Variants in SLC12A9 observed in about 807,000 individuals in gnomAD.
The protein encoded by SLC12A9 is CCC-interacting protein 1.
A neutral mutation model predicts 66.0 loss-of-function variants in SLC12A9; 55 were observed. The observed-to-expected ratio is 0.83, with a 90% CI of 0.67 to 1.04. The LOEUF (loss-of-function observed/expected upper bound fraction) is 1.04, where lower values mean the gene tolerates loss of function less well. Ranked by LOEUF, SLC12A9 falls within the 50% of genes least tolerant of loss-of-function variation. The pLI is 0.00. For synonymous variants in SLC12A9, 577 were observed against 569.0 expected (o/e 1.01, Z -0.20); for missense variants, 1,061 against 1,241.9 (o/e 0.85, Z 2.19).
chr7:100,859,842 C>G, intron 7 of SLC12A9, 43 bp from the exon 8 acceptor site: 1 of 1,567,288 alleles, frequency 6.4e-7, no homozygotes, highest in East Asian at 2.3e-5. Flanking sequence ...TTTCTTACCC[C>G]GTGACGCATG....
intron 13 of SLC12A9, among the ~76,000 whole-genome samples, chr7:100,864,195 A>G (rs1473889795): frequency 6.7e-6 from 1 of 148,514 alleles, no homozygotes; most frequent in African/African-American, 2.5e-5. Context: ...CTCCCATCTC[A>G]GCCTCCCAAG....
At chr7:100,843,114 C>T (rs917654409) in intron 1 of SLC12A9, among the ~76,000 whole-genome samples, 1 of 151,982 alleles carries the variant, frequency 6.6e-6, no homozygotes. Context: ...TTTGGTGGAC[C>T]TTTACTAGGC....
In SLC12A9 at chr7:100,865,451, T is replaced by C; in HGVS notation, c.1859-268T>C. On this transcript the variant is annotated intron_variant, in intron 13 of 13. Coordinates refer to ENST00000354161, the MANE Select transcript of SLC12A9 (RefSeq NM_020246.4). ...CCTCTCCATAGAATTGGAGTGCTCA[T>C]TAGTGGCAAGAATCCTAAGGCGAAC... The C allele has an allele frequency of 1.0e-5, 16 of 1,535,750 alleles. No homozygotes were observed. The South Asian group carries it at 1.4e-4, about 14-fold the overall frequency.
At chr7:100,850,866 C>T (rs915877648), upstream of SLC12A9, among the ~76,000 whole-genome samples, 4 of 151,778 alleles carry the variant, frequency 2.6e-5, no homozygotes, top group Admixed American at 6.6e-5. Flanking sequence ...ATTACAGGTG[C>T]GTGCCACCAC....
intron 1 of SLC12A9, among the ~76,000 whole-genome samples, chr7:100,838,573 A>G (rs1183513837): frequency 6.6e-6 from 1 of 152,096 alleles, no homozygotes; most frequent in Admixed American, 6.6e-5. Flanking sequence ...GCTGGTGTAC[A>G]GTGACGCGAT....
intron 7 of SLC12A9, chr7:100,859,401 T>C (rs1015214941): frequency 4.2e-5 from 23 of 546,796 alleles, no homozygotes; most frequent in Non-Finnish European, 6.3e-5. Context: ...CCACAAATAT[T>C]TGGCCTCTTG....
At chr7:100,827,799 C>T (rs1439925198) in intron 1 of SLC12A9, among the ~76,000 whole-genome samples, 1 of 152,202 alleles carries the variant, frequency 6.6e-6, no homozygotes, top group Non-Finnish European at 1.5e-5. Context: ...CATGTCGGGG[C>T]TGGGGCCCAG....
intron 1 of SLC12A9, 79 bp from the exon 2 acceptor site, chr7:100,854,077 C>T (rs1385650898): frequency 2.2e-6 from 2 of 926,356 alleles, no homozygotes; most frequent in Non-Finnish European, 3.1e-6. Context: ...GGGGAGGCTT[C>T]AGGGTGTTTG....
intron 1 of SLC12A9, among the ~76,000 whole-genome samples, chr7:100,830,181 T>A (rs314315): frequency 0.97 from 146,974 of 152,166 alleles, 71,180 homozygotes; most frequent in East Asian, 1. Context: ...GTGAAACCCC[T>A]TCTCTACTGA....
At chr7:100,854,567 G>C in intron 2 of SLC12A9, 53 bp from the exon 3 acceptor site, 1 of 1,610,030 alleles carries the variant, frequency 6.2e-7, no homozygotes, top group East Asian at 2.2e-5. Flanking sequence ...ACCAGGGGGT[G>C]GGGGATATGG....
chr7:100,829,488 T>G (rs1165383656), intron 1 of SLC12A9, among the ~76,000 whole-genome samples: 1 of 151,964 alleles, frequency 6.6e-6, no homozygotes. Context: ...TTCCTTGCTG[T>G]TCTGCCTGGG....
At chr7:100,832,652 A>T (rs1266565450) in intron 1 of SLC12A9, among the ~76,000 whole-genome samples, 1 of 152,214 alleles carries the variant, frequency 6.6e-6, no homozygotes, top group Non-Finnish European at 1.5e-5. Context: ...CCAGGGCTAT[A>T]TCAGTCTTCT....
At chr7:100,858,305 G>C (rs1814521069) in intron 5 of SLC12A9, 1 of 152,298 alleles carries the variant, frequency 6.6e-6, no homozygotes, top group African/African-American at 2.4e-5. Context: ...CCAGCTACCT[G>C]AGAGGCTGAG....
intron 5 of SLC12A9, 64 bp from the exon 6 acceptor site, chr7:100,858,771 C>T: frequency 6.6e-7 from 1 of 1,513,906 alleles, no homozygotes; most frequent in South Asian, 1.1e-5. Flanking sequence ...GAGAGGGTGG[C>T]TAAGAGGCCT....
rs772521586 is a variant in SLC12A9, at chr7:100,859,915, CCG to C, written c.1012_1013del (p.Ala338HisfsTer38). 2 of 1,607,056 alleles carry C rather than the reference CCG, an allele frequency of 1.2e-6. No individual in the cohort carries two copies. The highest frequency in any genetic ancestry group is 1.3e-5 in the African/African-American group (1 of 74,924). ...TGCTGCAGGAAGACTATGGGTTCTT[CCG>C]CGCCATCAGCCTGTGGCCCCCACTG... ...TLLQEDYGFF[R>X]AISLWPPLVL... On this transcript the variant is annotated frameshift_variant, in exon 8 of 14. Transcript: ENST00000354161. LOFTEE classifies it high-confidence loss of function.
At chr7:100,862,472 C>T (rs1814817585) in intron 12 of SLC12A9, among the ~76,000 whole-genome samples, 1 of 152,172 alleles carries the variant, frequency 6.6e-6, no homozygotes, top group African/African-American at 2.4e-5. Context: ...GTCTGGAACT[C>T]CTGGCTCAAG....
At chr7:100,848,369 G>T (rs555964705), upstream of SLC12A9, among the ~76,000 whole-genome samples, 31 of 151,976 alleles carry the variant, frequency 2.0e-4, no homozygotes, top group Middle Eastern at 3.4e-3. Flanking sequence ...CCAGGCATGG[G>T]TGCATGTGCC....
intron 1 of SLC12A9, chr7:100,837,490 C>T (rs912888640): frequency 2.2e-4 from 33 of 152,354 alleles, no homozygotes; most frequent in African/African-American, 7.7e-4. Context: ...ATAGTCGCCG[C>T]CATCTTTCCT....
intron 1 of SLC12A9, among the ~76,000 whole-genome samples, chr7:100,837,113 C>T (rs1393046948): frequency 6.6e-6 from 1 of 152,032 alleles, no homozygotes; most frequent in Non-Finnish European, 1.5e-5. Context: ...ATCTATACAC[C>T]ATTTTTAAAA....
Sources: gnomAD v4.1 joint callset for allele counts (sites outside exome capture counted in the v4.1 genomes callset) on GRCh38, gnomAD v4.1.1 for gene constraint, MANE v1.5 for transcripts, NCBI Gene and HGNC (gene_info 2026-07-23, HGNC 2026-07-21) for gene names.